DOCK4: variants seen among roughly 807,000 people sequenced by gnomAD.
DOCK4 encodes the protein dedicator of cytokinesis protein 4.
Under a neutral mutation model 268.1 loss-of-function variants are expected in DOCK4, and 97 were observed. That is an observed-to-expected ratio of 0.36 (90% CI 0.31 to 0.43). The LOEUF (loss-of-function observed/expected upper bound fraction) is 0.43, where lower values mean the gene tolerates loss of function less well. Ranked by LOEUF, DOCK4 falls within the 20% of genes least tolerant of loss-of-function variation. DOCK4 has a pLI of 1.00. For synonymous variants in DOCK4, 954 were observed against 887.2 expected, an observed-to-expected ratio of 1.08 and a Z score of -1.34; for missense variants, 2,145 against 2,455.7, an observed-to-expected ratio of 0.87 and a Z score of 2.67.
intron 13 of DOCK4, among the ~76,000 whole-genome samples, chr7:111,907,370 C>G (rs1297918759): frequency 6.6e-6 from 1 of 152,168 alleles, no homozygotes; most frequent in Non-Finnish European, 1.5e-5. Context: ...TGCTCAGAGG[C>G]AAGAGCATGG....
chr7:111,743,935 T>G (rs1324358489), intron 44 of DOCK4, among the ~76,000 whole-genome samples: 1 of 152,170 alleles, frequency 6.6e-6, no homozygotes, highest in Admixed American at 6.5e-5. Context: ...TCCTCCCACC[T>G]CAGCCTCCCA....
At chr7:111,872,694 TC>T in intron 17 of DOCK4, 130 bp from the exon 18 acceptor site, 1 of 656,736 alleles carries the variant, frequency 1.5e-6, no homozygotes, top group Non-Finnish European at 2.5e-6. Context: ...AGTTGCAGGC[TC>T]CCACAAACTA....
intron 12 of DOCK4, among the ~76,000 whole-genome samples, chr7:111,930,292 A>G (rs1198953228): frequency 6.6e-6 from 1 of 152,218 alleles, no homozygotes; most frequent in African/African-American, 2.4e-5. Context: ...CAACTAAGAT[A>G]GTGGTTAATG....
chr7:111,813,868 G>T (rs904408900), intron 27 of DOCK4, among the ~76,000 whole-genome samples: 1 of 152,156 alleles, frequency 6.6e-6, no homozygotes, highest in African/African-American at 2.4e-5. Flanking sequence ...AGGCTATCAG[G>T]CAAGGAAGTT....
At chr7:112,144,426 G>A (rs1815240371) in intron 1 of DOCK4, among the ~76,000 whole-genome samples, 1 of 152,166 alleles carries the variant, frequency 6.6e-6, no homozygotes, top group Admixed American at 6.5e-5. Context: ...CCATACTCGG[G>A]AACAGTTTGA....
At chr7:112,056,520 T>A (rs542534942) in intron 1 of DOCK4, among the ~76,000 whole-genome samples, 3 of 152,310 alleles carry the variant, frequency 2.0e-5, no homozygotes, top group African/African-American at 7.2e-5. Flanking sequence ...AATGGAACCA[T>A]GACGCATTCA....
intron 1 of DOCK4, among the ~76,000 whole-genome samples, chr7:112,096,011 C>T (rs1003235223): frequency 2.0e-5 from 3 of 152,106 alleles, no homozygotes; most frequent in African/African-American, 7.2e-5. Context: ...ATCACTTGAA[C>T]CCGGGAAGCA....
intron 1 of DOCK4, among the ~76,000 whole-genome samples, chr7:112,148,245 T>A (rs372590438): frequency 6.6e-6 from 1 of 152,278 alleles, no homozygotes; most frequent in Non-Finnish European, 1.5e-5. Context: ...CAGTGATTGA[T>A]GCTGGGCCTT....
intron 16 of DOCK4, among the ~76,000 whole-genome samples, chr7:111,884,753 A>G (rs1055637541): frequency 1.3e-5 from 2 of 152,190 alleles, no homozygotes; most frequent in African/African-American, 2.4e-5. Context: ...CAGATGGGGC[A>G]TAACACAGGA....
chr7:112,157,237 T>C (rs939418962), intron 1 of DOCK4, among the ~76,000 whole-genome samples: 9 of 152,148 alleles, frequency 5.9e-5, no homozygotes, highest in African/African-American at 1.9e-4. Context: ...AAACCTCATA[T>C]GTGTTTTGGC....
chr7:111,794,633 A>C (rs943216146), intron 30 of DOCK4, among the ~76,000 whole-genome samples: 3 of 152,166 alleles, frequency 2.0e-5, no homozygotes, highest in Admixed American at 6.5e-5. Context: ...TGTTACTTGT[A>C]AGCATTCCCT....
At chr7:111,907,864 G>T (rs1253194153) in intron 13 of DOCK4, among the ~76,000 whole-genome samples, 1 of 152,046 alleles carries the variant, frequency 6.6e-6, no homozygotes, top group Admixed American at 6.5e-5. Context: ...GAGTAGCTGG[G>T]ACTGCAGGCG....
intron 51 of DOCK4, among the ~76,000 whole-genome samples, chr7:111,733,870 T>C (rs1261436662): frequency 6.6e-6 from 1 of 152,206 alleles, no homozygotes; most frequent in Non-Finnish European, 1.5e-5. Context: ...GAAGACCTCA[T>C]ATGTCTCTCA....
intron 27 of DOCK4, chr7:111,819,555 AAAT>A (rs1477409031): frequency 2.0e-5 from 3 of 152,212 alleles, no homozygotes; most frequent in African/African-American, 7.2e-5. Context: ...GGAACCATAC[AAAT>A]CACCAGGTGT....
intron 23 of DOCK4, among the ~76,000 whole-genome samples, chr7:111,855,271 A>G (rs1804905193): frequency 6.6e-6 from 1 of 152,154 alleles, no homozygotes; most frequent in Admixed American, 6.5e-5. Context: ...ACAGGAAACA[A>G]GGAGAGAAAA....
intron 1 of DOCK4, among the ~76,000 whole-genome samples, chr7:112,068,633 T>C (rs998599527): frequency 3.3e-5 from 5 of 152,192 alleles, no homozygotes; most frequent in Non-Finnish European, 5.9e-5. Context: ...ATGAGAAGCC[T>C]ATAAGGCAAC....
At chr7:111,962,935 A>C (rs1446747161) in intron 8 of DOCK4, among the ~76,000 whole-genome samples, 1 of 152,166 alleles carries the variant, frequency 6.6e-6, no homozygotes, top group East Asian at 1.9e-4. Context: ...TATTTTCTCA[A>C]ATAAAGGCCC....
intron 1 of DOCK4, among the ~76,000 whole-genome samples, chr7:112,195,563 T>C (rs764924950): frequency 2.0e-5 from 3 of 151,918 alleles, no homozygotes; most frequent in Non-Finnish European, 2.9e-5. Context: ...TTCTCTCCTC[T>C]CCCCACAAAG....
intron 11 of DOCK4, among the ~76,000 whole-genome samples, chr7:111,938,064 T>C (rs1019643459): frequency 1.3e-5 from 2 of 152,230 alleles, no homozygotes; most frequent in Non-Finnish European, 2.9e-5. Context: ...ATCATGGATT[T>C]AAGCTTAACC....
Sources: allele counts gnomAD v4.1 joint callset (sites outside exome capture counted in the v4.1 genomes callset), GRCh38; gene constraint gnomAD v4.1.1; transcripts MANE v1.5; gene names NCBI Gene and HGNC (gene_info 2026-07-23, HGNC 2026-07-21).